Variants in PCDHGB6 observed in about 807,000 individuals in gnomAD.
PCDHGB6 encodes the protein protocadherin gamma-B6.
PCDHGB6 carries 51 observed loss-of-function variants against 59.1 expected under a neutral mutation model. The observed-to-expected ratio is 0.86, with a 90% CI of 0.69 to 1.09. The LOEUF (loss-of-function observed/expected upper bound fraction) is 1.09. Ranked by LOEUF, PCDHGB6 falls within the 50% of genes least tolerant of loss-of-function variation. The pLI is 0.00. For synonymous variants in PCDHGB6, 466 were observed against 495.1 expected, an observed-to-expected ratio of 0.94 and a Z score of 0.78; for missense variants, 1,148 against 1,205.1, an observed-to-expected ratio of 0.95 and a Z score of 0.70.
intron 1 of PCDHGB6, chr5:141,420,142 G>T: frequency 4.3e-6 from 7 of 1,614,004 alleles, no homozygotes; most frequent in Non-Finnish European, 5.9e-6. Flanking sequence ...GGGATCAAAT[G>T]AATCCAGAAT....
Position 141,487,591 on chromosome 5 carries a change from C to G in PCDHGB6, c.2419-7216C>G, listed in dbSNP as rs2099653282. The G allele has an allele frequency of 1.2e-6, 2 of 1,614,176 alleles. No individual in the cohort carries two copies. The highest frequency in any genetic ancestry group is 1.7e-6 in the Non-Finnish European group (2 of 1,180,036). ...AGCCTGTTCGCCCAAGCTGCCCACC[C>G]TCTGATCTTCTCTATGGGCTAGAGG... is the stretch of plus-strand genomic sequence containing the variant. On this transcript the variant is annotated intron_variant, in intron 1 of 3. Coordinates refer to ENST00000520790, the MANE Select transcript of PCDHGB6 (RefSeq NM_018926.3). The surrounding 1 kb of genome is among the most constrained non-coding windows in gnomAD (Gnocchi z 5.0).
At chr5:141,448,748 G>A (rs1476665217) in intron 1 of PCDHGB6, among the ~76,000 whole-genome samples, 1 of 151,980 alleles carries the variant, frequency 6.6e-6, no homozygotes, top group Admixed American at 6.6e-5. Context: ...AGACCATCCT[G>A]GCTAACACGG....
At position 141,487,892 on chromosome 5, in the gene PCDHGB6, T is replaced by C; in HGVS notation, c.2419-6915T>C. The C allele has an allele frequency of 2.7e-6, 2 of 731,410 alleles. No individual in the cohort carries two copies. The highest frequency in any genetic ancestry group is 4.4e-6 in the Non-Finnish European group (2 of 450,094). 45.3% of individuals were successfully genotyped at this position (731,410 alleles called of 1,614,324 possible). On this transcript the variant is annotated intron_variant, in intron 1 of 3. Coordinates refer to ENST00000520790, the MANE Select transcript of PCDHGB6 (RefSeq NM_018926.3). This position sits in a 1 kb window ranked among gnomAD's most constrained non-coding sequence, Gnocchi z 5.0. ...GAGCCAGGCTGTTGTGGAAGCATGA[T>C]GATGGAATGTGGGAGCACAGGAGGC...
chr5:141,483,501 G>A (rs1022338958), intron 1 of PCDHGB6, among the ~76,000 whole-genome samples: 2 of 150,394 alleles, frequency 1.3e-5, no homozygotes, highest in Admixed American at 1.3e-4. Context: ...ATGAGTCAAG[G>A]CTGATCCCCC....
intron 1 of PCDHGB6, chr5:141,418,934 G>T (rs1163951447): frequency 6.2e-7 from 1 of 1,614,056 alleles, no homozygotes; most frequent in African/African-American, 1.3e-5. Context: ...GATTATGGAG[G>T]ATTCCCCTCC....
intron 1 of PCDHGB6, among the ~76,000 whole-genome samples, chr5:141,460,183 CCA>C (rs561755067): frequency 7.2e-5 from 11 of 151,782 alleles, no homozygotes; most frequent in Non-Finnish European, 1.0e-4. Context: ...ATATTTTATC[CCA>C]GACTATGACT....
Position 141,464,048 on chromosome 5 carries a change from T to G in PCDHGB6, c.2419-30759T>G, listed in dbSNP as rs377735829. Reference sequence around the variant, plus strand: ...GGGAGGCCAAGGCGGGTGGATCACCTGAGGTCAGGAGTTCAAGGCCAGCCT... The same window carrying G: ...GGGAGGCCAAGGCGGGTGGATCACCGGAGGTCAGGAGTTCAAGGCCAGCCT... On this transcript the variant is annotated intron_variant, in intron 1 of 3. Transcript: ENST00000520790. 1.2e-4 allele frequency among the ~76,000 whole-genome samples: 18 copies of G among 152,260 alleles called. No individual in the cohort carries two copies. In the East Asian group the frequency reaches 3.5e-3, roughly 29 times the overall value.
intron 1 of PCDHGB6, among the ~76,000 whole-genome samples, chr5:141,457,289 G>A (rs907200077): frequency 2.0e-5 from 3 of 152,146 alleles, no homozygotes; most frequent in Non-Finnish European, 4.4e-5. Context: ...GAAGTTCCTT[G>A]GTTTTATTTT....
chr5:141,455,822 CCCCTTTTCCTGT>C (rs2098832641), intron 1 of PCDHGB6, among the ~76,000 whole-genome samples: 2 of 151,688 alleles, frequency 1.3e-5, no homozygotes, highest in African/African-American at 4.8e-5. Flanking sequence ...TTCCCAAGGA[CCCCTTTTCCTGT>C]CTATCTGCAT....
intron 1 of PCDHGB6, chr5:141,419,367 C>T (rs1157934416): frequency 6.2e-7 from 1 of 1,613,652 alleles, no homozygotes; most frequent in Admixed American, 1.7e-5. Context: ...ACGCTGTCGT[C>T]CTACGTGTCC....
chr5:141,414,684 A>G (rs747750994), intron 1 of PCDHGB6: 6 of 1,613,806 alleles, frequency 3.7e-6, no homozygotes, highest in Non-Finnish European at 5.1e-6. Flanking sequence ...TCCAGGGGGT[A>G]CCTCTGTCCT....
chr5:141,469,829 A>G (rs2099212486), intron 1 of PCDHGB6, among the ~76,000 whole-genome samples: 1 of 152,102 alleles, frequency 6.6e-6, no homozygotes, highest in African/African-American at 2.4e-5. Context: ...AGGTCACATA[A>G]AACTTATTCT....
chr5:141,433,642 C>A (rs1457700205), intron 1 of PCDHGB6, among the ~76,000 whole-genome samples: 2 of 152,170 alleles, frequency 1.3e-5, no homozygotes, highest in South Asian at 2.1e-4. Context: ...TTGAGACCAG[C>A]CTGACCAACA....
chr5:141,490,321 G>C lies in PCDHGB6; in HGVS notation c.2419-4486G>C. On this transcript the variant is annotated intron_variant, in intron 1 of 3. Coordinates refer to ENST00000520790, the MANE Select transcript of PCDHGB6 (RefSeq NM_018926.3). The surrounding 1 kb of genome is among the most constrained non-coding windows in gnomAD (Gnocchi z 5.4). ...GGCCTCTTTGGCCAACCCTGTCCTA[G>C]AGAGCACACCAGTGGGCACAGTAGT... 1.2e-6 allele frequency: 2 copies of C among 1,614,220 alleles called. No homozygotes were observed. The highest frequency in any genetic ancestry group is 1.7e-6 in the Non-Finnish European group (2 of 1,180,044).
intron 3 of PCDHGB6, among the ~76,000 whole-genome samples, chr5:141,510,556 T>TA (rs2099881668): frequency 6.6e-6 from 1 of 152,178 alleles, no homozygotes; most frequent in African/African-American, 2.4e-5. Flanking sequence ...TTTGAGCACT[T>TA]ACATCTACCA....
intron 1 of PCDHGB6, chr5:141,419,181 A>T (rs769321564): frequency 1.9e-6 from 3 of 1,613,858 alleles, no homozygotes; most frequent in Admixed American, 3.3e-5. Flanking sequence ...ATAACCCTGC[A>T]CATTACTGAC....
chr5:141,487,135 A>G lies in PCDHGB6; in HGVS notation c.2419-7672A>G. 6.2e-7 allele frequency: 1 copy of G among 1,613,544 alleles called. No individual in the cohort carries two copies. The highest frequency in any genetic ancestry group is 8.5e-7 in the Non-Finnish European group (1 of 1,179,856). ...TGGTAAAGGATAGTGGTAGTCCACC[A>G]CTCTCTACCTCTGTTACTCTCTTAG... On this transcript the variant is annotated intron_variant, in intron 1 of 3. Transcript: ENST00000520790. The surrounding 1 kb of genome is among the most constrained non-coding windows in gnomAD (Gnocchi z 5.0).
intron 1 of PCDHGB6, among the ~76,000 whole-genome samples, chr5:141,467,486 T>A (rs985186472): frequency 6.6e-6 from 1 of 152,242 alleles, no homozygotes; most frequent in Non-Finnish European, 1.5e-5. Flanking sequence ...GGTTTCCACA[T>A]TTAGATCCCT....
chr5:141,430,560 G>T (rs1184226832), intron 1 of PCDHGB6: 1 of 420,160 alleles, frequency 2.4e-6, no homozygotes, highest in Non-Finnish European at 4.1e-6. Context: ...ACCAATCGGG[G>T]AGAGAAAAGC....
Sources: allele counts gnomAD v4.1 joint callset (sites outside exome capture counted in the v4.1 genomes callset), GRCh38; gene constraint gnomAD v4.1.1; non-coding constraint Gnocchi (gnomAD v3.1); transcripts MANE v1.5; gene names NCBI Gene and HGNC (gene_info 2026-07-23, HGNC 2026-07-21).